Variants in DDHD1 observed in about 807,000 individuals in gnomAD.
DDHD1 encodes phospholipase DDHD1.
A neutral mutation model predicts 96.4 loss-of-function variants in DDHD1; 49 were observed. The ratio of observed to expected loss-of-function variants is 0.51; its 90% confidence interval spans 0.40 to 0.64. The LOEUF (loss-of-function observed/expected upper bound fraction) is 0.64. Among genes scored for constraint, DDHD1 ranks in the 30% least tolerant of loss-of-function variants. The pLI, the probability that DDHD1 is intolerant of heterozygous loss-of-function variation, is 0.00. For synonymous variants in DDHD1, 442 were observed against 446.5 expected (o/e 0.99, Z 0.13); for missense variants, 1,106 against 1,161.2 (o/e 0.95, Z 0.69).
At chr14:53,099,195 G>C (rs866696861) in intron 2 of DDHD1, among the ~76,000 whole-genome samples, 2 of 152,100 alleles carry the variant, frequency 1.3e-5, no homozygotes, top group South Asian at 4.1e-4. Context: ...AAATAGTACA[G>C]GGAGCTATGA....
intron 1 of DDHD1, among the ~76,000 whole-genome samples, chr14:53,145,057 C>T (rs1008555662): frequency 6.6e-5 from 10 of 151,946 alleles, no homozygotes; most frequent in African/African-American, 1.5e-4. Context: ...GGCTGAGGAA[C>T]GAGAATTTTT....
chr14:53,124,915 C>CCAAGGAGA (rs1889315310), intron 1 of DDHD1, among the ~76,000 whole-genome samples: 4 of 152,110 alleles, frequency 2.6e-5, no homozygotes. Context: ...AGGCCTCTCT[C>CCAAGGAGA]CTTGGCTTGC....
rs1290256967 is a variant in DDHD1 at position 53,043,735 on chromosome 14, A to T, written c.*3033T>A. On this transcript the variant is annotated 3_prime_UTR_variant, in exon 13 of 13. Transcript: ENST00000673822. ...GAGCTGCCACACCTGGCCAAAATCCAGTATATTTTTAAATTATGTCCTAAA... is the reference window on the plus strand; with the variant it reads ...GAGCTGCCACACCTGGCCAAAATCCTGTATATTTTTAAATTATGTCCTAAA... 1 of 152,232 alleles carries T rather than the reference A, an allele frequency of 6.6e-6. No homozygotes were observed. The highest frequency in any genetic ancestry group is 1.5e-5 in the Non-Finnish European group (1 of 68,050). 9.4% of individuals were successfully genotyped at this position (152,232 alleles called of 1,614,324 possible). A position where few individuals can be genotyped will look rare whatever the true frequency, so the allele number is the denominator to read the frequency against.
At chr14:53,111,385 A>AT (rs112771199) in intron 1 of DDHD1, among the ~76,000 whole-genome samples, 1,842 of 147,864 alleles carry the variant, frequency 0.012, 10 homozygotes, top group East Asian at 0.02. Flanking sequence ...CCCATAAATC[A>AT]TTTTTTTTTT....
At chr14:53,061,344 T>C (rs919138263) in intron 7 of DDHD1, 143 bp from the exon 8 acceptor site, 2 of 593,844 alleles carry the variant, frequency 3.4e-6, no homozygotes, top group Non-Finnish European at 5.5e-6. Flanking sequence ...ATTTAATAAA[T>C]GTCTCTGCCA....
In DDHD1 at chr14:53,055,897, G is replaced by A. The variant is rs766035393; in HGVS notation, c.2008C>T (p.Pro670Ser). Residue 670 changes from proline to serine, a missense_variant, in exon 10 of 13, where the codon CCA becomes TCA. Physicochemically the swap from Pro to Ser is moderately conservative, Grantham distance 74. Around this residue, in one of 2 missense-constraint regions of DDHD1, gnomAD observed 650 missense variants for 758.8 expected, o/e 0.86. Transcript: ENST00000673822. ...TTGCTGTAGTGTTTCAGTATTAATG[G>A]TTCTAATCTATAAGCCTTGATTTAA... ...PTDPVAYRLEPLILKHYSNIS... is the reference protein window; with the variant it reads ...PTDPVAYRLESLILKHYSNIS... 1.2e-6 allele frequency: 2 copies of A among 1,611,826 alleles called. No homozygotes were observed. Among genetic ancestry groups the A allele is most frequent in the East Asian group, 4.5e-5 (2 of 44,840 alleles).
At chr14:53,147,686 T>G (rs1052852407) in intron 1 of DDHD1, among the ~76,000 whole-genome samples, 1 of 152,152 alleles carries the variant, frequency 6.6e-6, no homozygotes, top group Non-Finnish European at 1.5e-5. Context: ...ACTGGGGCCT[T>G]GGTACTGTAA....
At chr14:53,075,707 G>A (rs1743158253) in intron 4 of DDHD1, among the ~76,000 whole-genome samples, 1 of 152,160 alleles carries the variant, frequency 6.6e-6, no homozygotes, top group African/African-American at 2.4e-5. Context: ...TGGCTTCAAA[G>A]CTTCAAAGGA....
chr14:53,074,840 G>T (rs1301805745), intron 4 of DDHD1, among the ~76,000 whole-genome samples: 2 of 152,076 alleles, frequency 1.3e-5, no homozygotes, highest in Admixed American at 6.6e-5. Context: ...CATGGAGCAA[G>T]TCTATTAGTG....
Position 53,054,551 on chromosome 14 carries a change from T to C in DDHD1, c.2324A>G (p.Glu775Gly). The change falls in exon 11 of 13, where the codon GAA (glutamate) becomes GGA (glycine). Residue 775 changes from glutamate (E) to glycine (G), a missense_variant. By Grantham distance (98) the Glu-to-Gly change is moderately conservative. This residue lies in a region of DDHD1 where 650 missense variants were observed against 758.8 expected (regional missense o/e 0.86). Transcript: ENST00000673822. Reference protein sequence around the residue: ...FGRSSTTQSSETSKDSMEDEK... With the variant: ...FGRSSTTQSSGTSKDSMEDEK... ...ATCTTCCATTGAGTCTTTTGATGTT[T>C]CAGATGACTGTGTTGTAGATGAACG... is the stretch of plus-strand genomic sequence containing the variant. The C allele has an allele frequency of 1.2e-6, 2 of 1,614,136 alleles. No individual in the cohort carries two copies. Among genetic ancestry groups the C allele is most frequent in the Non-Finnish European group, 1.7e-6 (2 of 1,179,988 alleles).
chr14:53,056,153 A>C (rs1883038172), intron 9 of DDHD1, among the ~76,000 whole-genome samples: 2 of 152,230 alleles, frequency 1.3e-5, no homozygotes, highest in South Asian at 4.1e-4. Context: ...TTTTCAGAGA[A>C]ATATTTTTAT....
In DDHD1 at chr14:53,042,984, A is replaced by G. The variant is rs575283725; in HGVS notation, c.*3784T>C. 1 of 152,354 alleles carries G rather than the reference A, an allele frequency of 6.6e-6. No individual in the cohort carries two copies. Among genetic ancestry groups the G allele is most frequent in the Admixed American group, 6.5e-5 (1 of 15,304 alleles). The allele number at this position is 152,354 out of a possible 1,614,324, so 9.4% of individuals were successfully genotyped here. ...TAGAAATACCAATCTAATGGATCAA[A>G]AAGAAATTTGTCTTCTACTACAGAC... On this transcript the variant is annotated 3_prime_UTR_variant, in exon 13 of 13. Transcript: ENST00000673822.
chr14:53,064,178 T>C (rs1225067969), intron 6 of DDHD1, among the ~76,000 whole-genome samples: 1 of 152,118 alleles, frequency 6.6e-6, no homozygotes, highest in Non-Finnish European at 1.5e-5. Flanking sequence ...TTGGCTTTGA[T>C]AAGAATATCA....
intron 11 of DDHD1, chr14:53,053,027 T>C (rs962064208): frequency 9.2e-5 from 14 of 151,782 alleles, no homozygotes; most frequent in African/African-American, 2.9e-4. Context: ...GTAGATTCTA[T>C]ACATACGTTT....
In DDHD1 at chr14:53,055,651, A is replaced by T; in HGVS notation, c.2245+9T>A. On this transcript the variant is annotated intron_variant, in intron 10 of 12. Coordinates refer to ENST00000673822, the MANE Select transcript of DDHD1 (RefSeq NM_001160148.2). ...TATGCATAGATAAGGAATACATAAG[A>T]GAAATTACCTAATATGCTTGCTTTG... 1 of 1,613,512 alleles carries T rather than the reference A, an allele frequency of 6.2e-7. No individual in the cohort carries two copies. The highest frequency in any genetic ancestry group is 8.5e-7 in the Non-Finnish European group (1 of 1,179,504).
intron 9 of DDHD1, among the ~76,000 whole-genome samples, chr14:53,056,483 G>C (rs1883066390): frequency 6.6e-6 from 1 of 152,144 alleles, no homozygotes; most frequent in Non-Finnish European, 1.5e-5. Flanking sequence ...TTAAGATGGA[G>C]ATGGGGTCTC....
chr14:53,062,338 CATTTTT>C (rs1465984434), intron 7 of DDHD1, among the ~76,000 whole-genome samples: 1 of 151,770 alleles, frequency 6.6e-6, no homozygotes, highest in Non-Finnish European at 1.5e-5. Context: ...AGTGATTTTT[CATTTTT>C]ATATTAGAAT....
At chr14:53,138,898 C>T (rs928190447) in intron 1 of DDHD1, among the ~76,000 whole-genome samples, 1 of 152,062 alleles carries the variant, frequency 6.6e-6, no homozygotes, top group African/African-American at 2.4e-5. Flanking sequence ...ATATCCCCTT[C>T]ATAGTGCAGG....
chr14:53,081,010 A>T (rs1885425321), intron 4 of DDHD1, among the ~76,000 whole-genome samples: 1 of 152,166 alleles, frequency 6.6e-6, no homozygotes, highest in African/African-American at 2.4e-5. Context: ...ACTTGTTGAG[A>T]AGTCTATCTT....
Sources: gnomAD v4.1 joint callset for allele counts (sites outside exome capture counted in the v4.1 genomes callset) on GRCh38, gnomAD v4.1.1 for gene constraint, gnomAD v4.1.1 regional missense constraint, MANE v1.5 for transcripts, NCBI Gene and HGNC (gene_info 2026-07-23, HGNC 2026-07-21) for gene names.